The following PLXNA3 variants were observed in gnomAD, a reference collection of about 807,000 sequenced individuals.
The protein encoded by PLXNA3 is plexin A3.
In PLXNA3, 52 loss-of-function variants were observed where a neutral mutation model predicts 118.8. The observed-to-expected ratio is 0.44, with a 90% CI of 0.35 to 0.55. PLXNA3 has a LOEUF of 0.55. Ranked by LOEUF, PLXNA3 falls within the 20% of genes least tolerant of loss-of-function variation. The probability of loss-of-function intolerance (pLI) is 0.01; values close to 1 mark genes in which losing one functional copy is unlikely to be tolerated. For synonymous variants in PLXNA3, 925 were observed against 762.4 expected (o/e 1.21, Z -3.51); for missense variants, 1,660 against 1,730.8 (o/e 0.96, Z 0.73).
chrX:154,464,909 G>A (rs1557206418), intron 10 of PLXNA3, 41 bp downstream of exon 10: 10 of 1,086,025 alleles, frequency 9.2e-6, no homozygotes, highest in Non-Finnish European at 1.0e-5. Flanking sequence ...GCTCTGTGGT[G>A]CGGGCGGGGC....
intron 1 of PLXNA3, among the ~76,000 whole-genome samples, chrX:154,459,486 G>A (rs1224922801): frequency 8.9e-6 from 1 of 112,639 alleles, no homozygotes; most frequent in Non-Finnish European, 1.9e-5. Flanking sequence ...GTCTGGAGGG[G>A]GAGCCATGCA....
At position 154,468,702 on chromosome X, in the gene PLXNA3, C is replaced by T. The variant is rs782274788; in HGVS notation, c.4260C>T (p.Phe1420=). The T allele has an allele frequency of 1.7e-6, 2 of 1,211,760 alleles. No homozygotes were observed. The highest frequency in any genetic ancestry group is 2.2e-6 in the Non-Finnish European group (2 of 895,561). ...CTGAGAAGATGCTTACCAACTGGTT[C>T]ACGTTCCTGCTGCATAAGTTTCTGA... ...SVAEKMLTNW[F]TFLLHKFLKE... Residue 1420 remains phenylalanine (F), a synonymous_variant, in exon 24 of 33, where the codon TTC becomes TTT. Coordinates refer to ENST00000369682, the MANE Select transcript of PLXNA3 (RefSeq NM_017514.5).
intron 27 of PLXNA3, 21 bp from the exon 28 acceptor site, chrX:154,469,667 C>T (rs1055577957): frequency 1.7e-6 from 2 of 1,188,788 alleles, no homozygotes; most frequent in East Asian, 3.0e-5. Flanking sequence ...CACTGCCCCC[C>T]TCTGTCTCTG....
In PLXNA3 at chrX:154,471,306, C is replaced by T. The variant is rs782243330; in HGVS notation, c.5358C>T (p.Ser1786=). The change falls in exon 31 of 33, where the codon AGC becomes AGT. Residue 1786 remains serine (S), a synonymous_variant. Coordinates refer to ENST00000369682, the MANE Select transcript of PLXNA3 (RefSeq NM_017514.5). ...CCAAGGACATCCCCAACTACAAGAG[C>T]TGGGTGGAGAGGTGGGCTCCGCCCT... ...LYAKDIPNYK[S]WVERYYRDIA... is the part of the protein sequence containing the mutation. 4.1e-6 allele frequency: 5 copies of T among 1,209,269 alleles called. No individual in the cohort carries two copies. The South Asian group carries it at 8.8e-5, about 21-fold the overall frequency.
chrX:154,469,266 G>A (rs781990107), intron 26 of PLXNA3, 51 bp downstream of exon 26: 25 of 1,174,466 alleles, frequency 2.1e-5, no homozygotes, highest in East Asian at 6.0e-5. Context: ...CTCCTGTGCC[G>A]TGTGACCTCC....
Position 154,468,025 on chromosome X carries a change from G to A in PLXNA3, c.3820+24G>A. 3.3e-6 allele frequency: 4 copies of A among 1,199,698 alleles called. No homozygotes were observed. In the East Asian group the frequency reaches 1.2e-4, roughly 36 times the overall value. ...AGGTGCCTGAGGCGGGGCGGGATGT[G>A]GTGTGGAAGCTGGGGACCTCCCTCC... On this transcript the variant is annotated intron_variant, in intron 21 of 32. Transcript: ENST00000369682.
At position 154,469,739 on chromosome X, in the gene PLXNA3, A is replaced by G. The variant is rs2069153076; in HGVS notation, c.4750A>G (p.Asn1584Asp). 1.7e-6 allele frequency: 2 copies of G among 1,210,790 alleles called. No homozygotes were observed. Among genetic ancestry groups the G allele is most frequent in the Non-Finnish European group, 2.2e-6 (2 of 894,524 alleles). Reference protein sequence around the residue: ...ALVPKQVSAYNMANSFTFTRS... With the variant: ...ALVPKQVSAYDMANSFTFTRS... Reference sequence around the variant, plus strand: ...GGTGCCCAAACAAGTGTCTGCCTATAACATGGCCAACTCCTTCACCTTCAC... The same window carrying G: ...GGTGCCCAAACAAGTGTCTGCCTATGACATGGCCAACTCCTTCACCTTCAC... Residue 1584 changes from asparagine (N) to aspartate (D), a missense_variant, in exon 28 of 33, where the codon AAC (asparagine) becomes GAC (aspartate). By Grantham distance (23) the Asn-to-Asp change is conservative. This residue lies in a region of PLXNA3 where 869 missense variants were observed against 1,078.7 expected (regional missense o/e 0.81). Coordinates refer to ENST00000369682, the MANE Select transcript of PLXNA3 (RefSeq NM_017514.5).
chrX:154,470,112 A>C lies in PLXNA3; in HGVS notation c.4931A>C (p.Asp1644Ala), dbSNP rs782095534. 3.3e-5 allele frequency: 40 copies of C among 1,206,860 alleles called. No individual in the cohort carries two copies. The highest frequency in any genetic ancestry group is 7.8e-6 in the Non-Finnish European group (7 of 894,196). ...GACCATGCCGACCATCGCGAGGGGG[A>C]CCGTGGCAGCAAGATGGTCTCCGAG... ...NHDHADHREG[D>A]RGSKMVSEIY... Residue 1644 changes from aspartate (D) to alanine (A), a missense_variant, in exon 29 of 33, where the codon GAC becomes GCC. Asp to Ala is a moderately radical substitution (Grantham distance 126). Transcript: ENST00000369682.
At position 154,463,684 on chromosome X, in the gene PLXNA3, G is replaced by A. The variant is rs375643017; in HGVS notation, c.1541G>A (p.Arg514Gln). ...GDPHCGWCVLRHRCCREGACL... is the reference protein window; with the variant it reads ...GDPHCGWCVLQHRCCREGACL... Reference sequence around the variant, plus strand: ...CCGCACTGTGGTTGGTGTGTGCTGCGACACAGGTGAGGGCGGGGACCCCTG... The same window carrying A: ...CCGCACTGTGGTTGGTGTGTGCTGCAACACAGGTGAGGGCGGGGACCCCTG... Residue 514 changes from arginine (R) to glutamine (Q), a missense_variant, in exon 6 of 33, where the codon CGA (arginine) becomes CAA (glutamine). Arg to Gln is a conservative substitution (Grantham distance 43). Transcript: ENST00000369682. 1.0e-4 allele frequency: 122 copies of A among 1,194,715 alleles called. No homozygotes were observed. The highest frequency in any genetic ancestry group is 4.0e-4 in the South Asian group (22 of 55,271).
rs781805153 is a variant in PLXNA3 at position 154,471,601 on chromosome X, A to G, written c.5483A>G (p.Asn1828Ser). The change falls in exon 32 of 33, where the codon AAC (asparagine) becomes AGC (serine). Residue 1828 changes from asparagine (N) to serine (S), a missense_variant. Around this residue, in one of 2 missense-constraint regions of PLXNA3, gnomAD observed 869 missense variants for 1,078.7 expected, o/e 0.81. Transcript: ENST00000369682. Reference protein sequence around the residue: ...ASDFSVLSALNELYFYVTKYR... With the variant: ...ASDFSVLSALSELYFYVTKYR... Reference sequence around the variant, plus strand: ...GACTTCAGCGTCCTGAGTGCGCTCAACGAGCTGTATTTCTATGTCACCAAG... The same window carrying G: ...GACTTCAGCGTCCTGAGTGCGCTCAGCGAGCTGTATTTCTATGTCACCAAG... 5.0e-6 allele frequency: 6 copies of G among 1,209,522 alleles called. No homozygotes were observed. The African/African-American group carries it at 8.7e-5, about 18-fold the overall frequency.
Position 154,471,731 on chromosome X carries a change from C to T in PLXNA3, c.5520+93C>T. Reference sequence around the variant, plus strand: ...GGGTTGGTGGGGGTTGGGGATTGTTCACGGTCTCTCCCCTGACCAGGGCCT... The same window carrying T: ...GGGTTGGTGGGGGTTGGGGATTGTTTACGGTCTCTCCCCTGACCAGGGCCT... On this transcript the variant is annotated intron_variant, in intron 32 of 32. Coordinates refer to ENST00000369682, the MANE Select transcript of PLXNA3 (RefSeq NM_017514.5). 7 of 857,472 alleles carry T rather than the reference C, an allele frequency of 8.2e-6. No individual in the cohort carries two copies. In the East Asian group the frequency reaches 1.6e-4, roughly 20 times the overall value. The allele number at this position is 857,472 out of a possible 1,213,427, so 70.7% of individuals were successfully genotyped here.
intron 4 of PLXNA3, 147 bp from the exon 5 acceptor site, chrX:154,463,244 T>C (rs2069008119): frequency 2.6e-6 from 2 of 772,638 alleles, no homozygotes; most frequent in African/African-American, 2.1e-5. Context: ...ACCCTCCTTT[T>C]TTTGGCCTCC....
Position 154,461,608 on chromosome X carries a change from G to A in PLXNA3, c.1104G>A (p.Leu368=), listed in dbSNP as rs964726723. 4.7e-5 allele frequency: 56 copies of A among 1,198,429 alleles called. No homozygotes were observed. Among genetic ancestry groups the A allele is most frequent in the Non-Finnish European group, 6.2e-5 (55 of 892,801 alleles). The change falls in exon 3 of 33, where the codon CTG becomes CTA. Residue 368 remains leucine, a synonymous_variant. Transcript: ENST00000369682. ...RGEGTLALPW[L]LNKELPCINT... is the part of the protein sequence containing the mutation. ...AGGGCACTCTGGCTCTGCCCTGGCT[G>A]CTGAACAAGGAGCTGCCCTGCATCA... is the stretch of plus-strand genomic sequence containing the variant.
In PLXNA3 at chrX:154,471,258, G is replaced by A. The variant is rs140192261; in HGVS notation, c.5310G>A (p.Ser1770=). The change falls in exon 31 of 33, where the codon TCG becomes TCA. Residue 1770 remains serine (S), a synonymous_variant. Transcript: ENST00000369682. ...CCGAGCACCGCCTGGGGAAGGACTC[G>A]CCCTCCAACAAACTGCTCTACGCCA... ...STSEHRLGKD[S]PSNKLLYAKD... 8 of 1,209,907 alleles carry A rather than the reference G, an allele frequency of 6.6e-6. No homozygotes were observed. Among genetic ancestry groups the A allele is most frequent in the African/African-American group, 3.5e-5 (2 of 57,179 alleles).
At position 154,464,745 on chromosome X, in the gene PLXNA3, C is replaced by T. The variant is rs1557206341; in HGVS notation, c.1929-9C>T. 1.8e-6 allele frequency: 2 copies of T among 1,101,851 alleles called. No homozygotes were observed. The highest frequency in any genetic ancestry group is 3.2e-5 in the East Asian group (1 of 31,562). The allele number at this position is 1,101,851 out of a possible 1,213,427, so 90.8% of individuals were successfully genotyped here. On this transcript the variant is annotated splice_polypyrimidine_tract_variant and intron_variant, in intron 9 of 32. Transcript: ENST00000369682. ...TCCTCTGTTATTTCTGAAGCCACTT[C>T]CCCCCCAGGTGCATGTCCTGTGTTG...
chrX:154,466,529 C>G lies in PLXNA3; in HGVS notation c.2936+17C>G. ...GTTTGTAAGGTGGGCCGGGGCCCTGCCAGCTTTGGGTTGGGCATCGTGTGG... is the reference window on the plus strand; with the variant it reads ...GTTTGTAAGGTGGGCCGGGGCCCTGGCAGCTTTGGGTTGGGCATCGTGTGG... On this transcript the variant is annotated intron_variant, in intron 16 of 32. Coordinates refer to ENST00000369682, the MANE Select transcript of PLXNA3 (RefSeq NM_017514.5). 1 of 1,201,882 alleles carries G rather than the reference C, an allele frequency of 8.3e-7. No homozygotes were observed. The highest frequency in any genetic ancestry group is 1.1e-6 in the Non-Finnish European group (1 of 890,429).
intron 1 of PLXNA3, among the ~76,000 whole-genome samples, chrX:154,458,916 TC>T (rs1557202647): frequency 1.8e-5 from 2 of 111,822 alleles, no homozygotes. Flanking sequence ...CCCAGCCTGT[TC>T]CTAGGCTTGT....
intron 4 of PLXNA3, 148 bp from the exon 5 acceptor site, chrX:154,463,243 T>G (rs1040055236): frequency 1.4e-5 from 11 of 768,969 alleles, no homozygotes; most frequent in Non-Finnish European, 2.2e-5. Context: ...CACCCTCCTT[T>G]TTTTGGCCTC....
intron 17 of PLXNA3, 112 bp downstream of exon 17, chrX:154,466,905 G>C (rs1228316516): frequency 2.8e-5 from 24 of 858,205 alleles, no homozygotes; most frequent in Non-Finnish European, 3.7e-5. Flanking sequence ...ATTGGTGGAG[G>C]GGGTGGAGCT....
Sources: allele counts gnomAD v4.1 joint callset (sites outside exome capture counted in the v4.1 genomes callset), GRCh38; gene constraint gnomAD v4.1.1; regional missense constraint gnomAD v4.1.1; transcripts MANE v1.5; gene names NCBI Gene and HGNC (gene_info 2026-07-23, HGNC 2026-07-21).